CNGB3: variants seen among roughly 807,000 people sequenced by gnomAD.
CNGB3 encodes the protein cyclic nucleotide-gated channel beta-3.
A neutral mutation model predicts 92.8 loss-of-function variants in CNGB3; 86 were observed. The ratio of observed to expected loss-of-function variants is 0.93; its 90% CI spans 0.78 to 1.11. The LOEUF is 1.11. Ranked by LOEUF, CNGB3 falls within the 50% of genes least tolerant of loss-of-function variation. CNGB3 has a pLI of 0.00. For missense variants in CNGB3, 1,026 were observed against 956.8 expected (o/e 1.07, Z -0.95); for synonymous variants, 333 against 332.7 (o/e 1.00, Z -0.01).
At chr8:86,676,932 T>C (rs1275184883) in intron 3 of CNGB3, among the ~76,000 whole-genome samples, 2 of 152,202 alleles carry the variant, frequency 1.3e-5, no homozygotes, top group African/African-American at 4.8e-5. Flanking sequence ...TTAATTTATG[T>C]CTGCCGAGTC....
intron 3 of CNGB3, among the ~76,000 whole-genome samples, chr8:86,703,762 T>C (rs1414693736): frequency 6.6e-6 from 1 of 152,218 alleles, no homozygotes; most frequent in Non-Finnish European, 1.5e-5. Context: ...ATTCGGGTCT[T>C]ATACGGTGAA....
chr8:86,609,433 CT>C (rs1363255364), intron 14 of CNGB3, among the ~76,000 whole-genome samples: 2 of 152,152 alleles, frequency 1.3e-5, no homozygotes, highest in African/African-American at 4.8e-5. Flanking sequence ...TATATTCTTG[CT>C]TCCCATTTTA....
Position 86,694,180 on chromosome 8 carries a change from C to G in CNGB3, c.339-23082G>C, listed in dbSNP as rs1374748190. Among the ~76,000 whole-genome samples the G allele has an allele frequency of 2.0e-3, 265 of 131,120 alleles. 5 individuals are homozygous for G. The highest frequency in any genetic ancestry group is 7.5e-3 in the African/African-American group (255 of 34,006). 86.0% of individuals were successfully genotyped at this position (131,120 alleles called of 152,430 possible). A position where few individuals can be genotyped will look rare whatever the true frequency, so the allele number is the denominator to read the frequency against. On this transcript the variant is annotated intron_variant, in intron 3 of 17. Transcript: ENST00000320005. ...GCGGCTGGCCGGGCGGGGGGCTGAC[C>G]CCCCCCACCTCCCTCCCGGACGGGG...
chr8:86,576,111 C>G lies in CNGB3; in HGVS notation c.2123G>C (p.Gly708Ala), dbSNP rs1427468476. The G allele has an allele frequency of 6.2e-7, 1 of 1,603,766 alleles. No individual in the cohort carries two copies. Among genetic ancestry groups the G allele is most frequent in the Admixed American group, 1.7e-5 (1 of 59,640 alleles). Residue 708 changes from glycine to alanine, a missense_variant, in exon 18 of 18, where the codon GGA (glycine) becomes GCA (alanine). Physicochemically the swap from Gly to Ala is moderately conservative, Grantham distance 60 (BLOSUM62 0). Transcript: ENST00000320005. ...ATTTTCTTTTCCTTCTTCCTCTCCTCCTTCAGAATTTTCTTTCTTCTGGAA... is the reference window on the plus strand; with the variant it reads ...ATTTTCTTTTCCTTCTTCCTCTCCTGCTTCAGAATTTTCTTTCTTCTGGAA... The part of the protein sequence containing the change: ...QAAQKKENSE[G>A]GEEEGKENED...
chr8:86,597,313 G>T (rs1156957613), intron 15 of CNGB3, among the ~76,000 whole-genome samples: 1 of 152,148 alleles, frequency 6.6e-6, no homozygotes, highest in South Asian at 2.1e-4. Flanking sequence ...GTGAGAACTG[G>T]GTTCCTGCCC....
intron 13 of CNGB3, among the ~76,000 whole-genome samples, chr8:86,621,222 CAATT>C (rs764511831): frequency 2.0e-5 from 3 of 152,256 alleles, no homozygotes; most frequent in South Asian, 2.1e-4. Context: ...CACTTATTCT[CAATT>C]AAGTTCGTCA....
chr8:86,728,297 T>C (rs903152659), intron 2 of CNGB3, among the ~76,000 whole-genome samples: 1 of 152,162 alleles, frequency 6.6e-6, no homozygotes, highest in African/African-American at 2.4e-5. Flanking sequence ...GGGACCCTTC[T>C]GTACAGGCAC....
chr8:86,704,006 G>A (rs1311926035), intron 3 of CNGB3: 1 of 152,150 alleles, frequency 6.6e-6, no homozygotes, highest in African/African-American at 2.4e-5. Flanking sequence ...GTAGAGGTTA[G>A]GGGCACTAGA....
At chr8:86,628,783 A>G in intron 12 of CNGB3, 136 bp downstream of exon 12, 1 of 938,042 alleles carries the variant, frequency 1.1e-6, no homozygotes, top group East Asian at 2.5e-5. Flanking sequence ...AACCTGTAGC[A>G]TTAAACGAAT....
chr8:86,621,552 A>G (rs1822726696), intron 13 of CNGB3, among the ~76,000 whole-genome samples: 1 of 151,930 alleles, frequency 6.6e-6, no homozygotes, highest in African/African-American at 2.4e-5. Context: ...GTGATTTCTG[A>G]GATTTTGGTG....
chr8:86,715,910 G>T (rs1290509417), intron 3 of CNGB3, among the ~76,000 whole-genome samples: 2 of 151,170 alleles, frequency 1.3e-5, no homozygotes, highest in Admixed American at 6.6e-5. Context: ...CACCAGCATG[G>T]CACATGTATA....
At chr8:86,586,639 A>G (rs1280585643) in intron 15 of CNGB3, among the ~76,000 whole-genome samples, 1 of 151,310 alleles carries the variant, frequency 6.6e-6, no homozygotes, top group Admixed American at 6.6e-5. Context: ...TTCCAATTTC[A>G]TCCATGTCCC....
At chr8:86,663,030 G>C (rs1313929228) in intron 6 of CNGB3, among the ~76,000 whole-genome samples, 2 of 151,456 alleles carry the variant, frequency 1.3e-5, no homozygotes, top group East Asian at 3.9e-4. Flanking sequence ...CCAGACTGTT[G>C]GTTTCTACTA....
At chr8:86,664,815 T>C (rs3779790) in intron 6 of CNGB3, among the ~76,000 whole-genome samples, 59,528 of 151,882 alleles carry the variant, frequency 0.39, 11,982 homozygotes, top group Middle Eastern at 0.56. Flanking sequence ...TACGTACTTG[T>C]GATTTGCCCA....
chr8:86,669,061 T>C (rs1823805827), intron 4 of CNGB3, among the ~76,000 whole-genome samples: 2 of 152,050 alleles, frequency 1.3e-5, no homozygotes, highest in Non-Finnish European at 2.9e-5. Context: ...AAATAAAATG[T>C]TTGTCTACAC....
intron 15 of CNGB3, among the ~76,000 whole-genome samples, chr8:86,590,420 G>A (rs1822001979): frequency 6.6e-6 from 1 of 152,096 alleles, no homozygotes; most frequent in Non-Finnish European, 1.5e-5. Flanking sequence ...AGTTGATGCA[G>A]TTTCTTCCTA....
chr8:86,698,584 CA>C lies in CNGB3; in HGVS notation c.339-27487del, dbSNP rs1824493300. ...AAGCTTTTCATCCCACAATTAGAAT[CA>C]GGCTTAACTTGCTTTTTGAAGAGGT... On this transcript the variant is annotated intron_variant, in intron 3 of 17. Transcript: ENST00000320005. Among the ~76,000 whole-genome samples, 6 of 152,284 alleles carry C rather than the reference CA, an allele frequency of 3.9e-5. No homozygotes were observed. In the South Asian group the frequency reaches 1.0e-3, roughly 26 times the overall value.
chr8:86,670,966 TGAGGA>T lies in CNGB3; in HGVS notation c.466_470del (p.Ser156ThrfsTer21). 1 of 1,612,490 alleles carries T rather than the reference TGAGGA, an allele frequency of 6.2e-7. No individual in the cohort carries two copies. Among genetic ancestry groups the T allele is most frequent in the Non-Finnish European group, 8.5e-7 (1 of 1,180,014 alleles). ...TACCAGTTTGTGGGCTGGCTTCGGG[TGAGGA>T]GAGATCTCCCTCTACCAACTTTTTC... is the stretch of plus-strand genomic sequence containing the variant. On this transcript the variant is annotated frameshift_variant, in exon 4 of 18. Coordinates refer to ENST00000320005, the MANE Select transcript of CNGB3 (RefSeq NM_019098.5). LOFTEE classifies it high-confidence loss of function.
intron 10 of CNGB3, among the ~76,000 whole-genome samples, chr8:86,640,705 T>C (rs1441246): frequency 0.06 from 9,137 of 152,178 alleles, 313 homozygotes; most frequent in South Asian, 0.11. Context: ...AAATTTGTTG[T>C]AATTTTGTCT....
Sources: gnomAD v4.1 joint callset for allele counts (sites outside exome capture counted in the v4.1 genomes callset) on GRCh38, gnomAD v4.1.1 for gene constraint, MANE v1.5 for transcripts, NCBI Gene and HGNC (gene_info 2026-07-23, HGNC 2026-07-21) for gene names.